Variants in TBC1D1 observed in about 807,000 individuals in gnomAD.
TBC1D1 encodes the protein TBC1 domain family member 1.
TBC1D1 carries 89 observed loss-of-function variants against 125.6 expected under a neutral mutation model. That is an observed-to-expected ratio of 0.71 (90% confidence interval 0.60 to 0.85). The LOEUF (loss-of-function observed/expected upper bound fraction) is 0.85, where lower values mean the gene tolerates loss of function less well. Among genes scored for constraint, TBC1D1 ranks in the 40% least tolerant of loss-of-function variants. The probability of loss-of-function intolerance (pLI) is 0.00; values close to 1 mark genes in which losing one functional copy is unlikely to be tolerated. For synonymous variants in TBC1D1, 565 were observed against 564.1 expected (o/e 1.00, Z -0.02); for missense variants, 1,377 against 1,469.2 (o/e 0.94, Z 1.03).
In TBC1D1 at chr4:38,062,012, G is replaced by A. The variant is rs547241501; in HGVS notation, c.2050+7674G>A. On this transcript the variant is annotated intron_variant, in intron 12 of 19. Transcript: ENST00000261439. ...TGACATCTGTGCACCAAAAGCACCT[G>A]GGGAGATTTTTTAAAACATGGGCCA... is the stretch of plus-strand genomic sequence containing the variant. 1.6e-4 allele frequency among the ~76,000 whole-genome samples: 25 copies of A among 152,284 alleles called. No homozygotes were observed. The East Asian group carries it at 4.4e-3, about 27-fold the overall frequency.
intron 2 of TBC1D1, among the ~76,000 whole-genome samples, chr4:37,922,590 G>T (rs927369111): frequency 6.6e-6 from 1 of 152,154 alleles, no homozygotes; most frequent in Non-Finnish European, 1.5e-5. Flanking sequence ...AGACTCCCTC[G>T]CTTTGTTCCC....
chr4:38,035,682 T>G lies in TBC1D1; in HGVS notation c.1397T>G (p.Ile466Ser), dbSNP rs200266191. Residue 466 changes from isoleucine to serine, a missense_variant, in exon 8 of 20, where the codon ATT becomes AGT. Transcript: ENST00000261439. Reference sequence around the variant, plus strand: ...GAGAAACAGAAAGAACACATCCATATTGGGGAGATGAAGCAGGTATGGCAT... The same window carrying G: ...GAGAAACAGAAAGAACACATCCATAGTGGGGAGATGAAGCAGGTATGGCAT... 7.4e-6 allele frequency: 12 copies of G among 1,611,916 alleles called. No homozygotes were observed.
At chr4:38,112,109 CAA>C (rs1762290495) in intron 15 of TBC1D1, 1 of 983,574 alleles carries the variant, frequency 1.0e-6, no homozygotes, top group Non-Finnish European at 1.2e-6. Flanking sequence ...TGGGTAATAA[CAA>C]GAGATTTGAA....
rs1425527453 is a variant in TBC1D1 at position 38,027,848 on chromosome 4, A to T, written c.1271A>T (p.Gln424Leu). Residue 424 changes from glutamine (Q) to leucine (L), a missense_variant, in exon 7 of 20, where the codon CAG (glutamine) becomes CTG (leucine). This residue lies in a region of TBC1D1 where 822 missense variants were observed against 824.6 expected (regional missense o/e 1.00). Coordinates refer to ENST00000261439, the MANE Select transcript of TBC1D1 (RefSeq NM_015173.4). ...AAGCACCTGACGACATTAACCAATC[A>T]GGAGCAGGCGACTATTTTTGAAGAG... 6.2e-7 allele frequency: 1 copy of T among 1,613,642 alleles called. No individual in the cohort carries two copies. The highest frequency in any genetic ancestry group is 1.7e-5 in the Admixed American group (1 of 59,944).
intron 12 of TBC1D1, among the ~76,000 whole-genome samples, chr4:38,079,814 A>G (rs1195817854): frequency 6.6e-6 from 1 of 152,248 alleles, no homozygotes; most frequent in African/African-American, 2.4e-5. Flanking sequence ...TCATTGCTTA[A>G]TTAATTTAAA....
At chr4:38,103,930 C>A (rs1760809708) in intron 15 of TBC1D1, among the ~76,000 whole-genome samples, 1 of 151,752 alleles carries the variant, frequency 6.6e-6, no homozygotes, top group Non-Finnish European at 1.5e-5. Flanking sequence ...GAGGCCAAGG[C>A]TGGTGGATCA....
chr4:37,995,458 A>G lies in TBC1D1; in HGVS notation c.418-19051A>G. ...AGGTTTCTTTCCCCGCCCCCTCACA[A>G]AGTATAGATCATTTGTTTTCCTTCC... On this transcript the variant is annotated intron_variant, in intron 2 of 19. Coordinates refer to ENST00000261439, the MANE Select transcript of TBC1D1 (RefSeq NM_015173.4). This position sits in a 1 kb window ranked among gnomAD's most constrained non-coding sequence, Gnocchi z 4.3. 4.9e-6 allele frequency: 1 copy of G among 204,176 alleles called. No homozygotes were observed. Among genetic ancestry groups the G allele is most frequent in the Admixed American group, 5.4e-5 (1 of 18,372 alleles). 12.6% of individuals were successfully genotyped at this position (204,176 alleles called of 1,614,324 possible).
intron 12 of TBC1D1, among the ~76,000 whole-genome samples, chr4:38,077,018 T>C (rs964358357): frequency 2.0e-5 from 3 of 152,200 alleles, no homozygotes; most frequent in Non-Finnish European, 4.4e-5. Flanking sequence ...GCTCCGTTTT[T>C]CAGACCTCAG....
In TBC1D1 at chr4:38,014,771, C is replaced by T; in HGVS notation, c.680C>T (p.Pro227Leu). 6.2e-7 allele frequency: 1 copy of T among 1,611,406 alleles called. No individual in the cohort carries two copies. The highest frequency in any genetic ancestry group is 8.5e-7 in the Non-Finnish European group (1 of 1,179,070). ...GCCGCGCCCACAGGGAGCCAGGAGC[C>T]TGTGCGCAGGCCCATGCGCAAGTCC... Residue 227 changes from proline (P) to leucine (L), a missense_variant, in exon 3 of 20, where the codon CCT becomes CTT. Pro to Leu is a moderately conservative substitution (Grantham distance 98). Transcript: ENST00000261439. The surrounding 1 kb of genome is among the most constrained non-coding windows in gnomAD (Gnocchi z 5.1).
Position 38,115,933 on chromosome 4 carries a change from G to T in TBC1D1, c.2781G>T (p.Arg927=), listed in dbSNP as rs1381692686. Reference sequence around the variant, plus strand: ...ACATGGGGCTGCGGAAACAGTATCGGCCAGACATGATTATTTTACAGGTAT... The same window carrying T: ...ACATGGGGCTGCGGAAACAGTATCGTCCAGACATGATTATTTTACAGGTAT... The change falls in exon 16 of 20, where the codon CGG becomes CGT. Residue 927 remains arginine, a synonymous_variant. Coordinates refer to ENST00000261439, the MANE Select transcript of TBC1D1 (RefSeq NM_015173.4). 1.2e-6 allele frequency: 2 copies of T among 1,614,032 alleles called. No homozygotes were observed. The highest frequency in any genetic ancestry group is 1.7e-6 in the Non-Finnish European group (2 of 1,180,034).
intron 12 of TBC1D1, among the ~76,000 whole-genome samples, chr4:38,082,093 A>C (rs1756666496): frequency 6.6e-6 from 1 of 152,218 alleles, no homozygotes; most frequent in South Asian, 2.1e-4. Context: ...TTTAAGCTTC[A>C]GTTTCCACAT....
chr4:38,110,475 G>A, intron 15 of TBC1D1: 1 of 985,426 alleles, frequency 1.0e-6, no homozygotes, highest in Non-Finnish European at 1.2e-6. Context: ...TCCGTTAGAT[G>A]AGCAAAATTT....
At chr4:38,076,786 T>A (rs1755668223) in intron 12 of TBC1D1, among the ~76,000 whole-genome samples, 1 of 152,022 alleles carries the variant, frequency 6.6e-6, no homozygotes, top group Non-Finnish European at 1.5e-5. Context: ...ACCAAAATAT[T>A]TTTTTCAGGA....
intron 2 of TBC1D1, among the ~76,000 whole-genome samples, chr4:37,938,229 A>G (rs1197642928): frequency 6.6e-6 from 1 of 152,136 alleles, no homozygotes; most frequent in Non-Finnish European, 1.5e-5. Flanking sequence ...AAAAAATTAT[A>G]TGTACGTACC....
chr4:38,067,225 T>C (rs370940810), intron 12 of TBC1D1, among the ~76,000 whole-genome samples: 1 of 152,258 alleles, frequency 6.6e-6, no homozygotes, highest in East Asian at 1.9e-4. Flanking sequence ...TATGGTCTTA[T>C]ATAATTCTGA....
At chr4:37,992,832 T>G (rs1466256532) in intron 2 of TBC1D1, among the ~76,000 whole-genome samples, 4 of 134,044 alleles carry the variant, frequency 3.0e-5, no homozygotes, top group Admixed American at 8.1e-5. Context: ...GGAGACAGAG[T>G]CTCACTCTGT....
intron 3 of TBC1D1, among the ~76,000 whole-genome samples, chr4:38,017,441 C>G (rs1265115976): frequency 6.6e-6 from 1 of 152,208 alleles, no homozygotes; most frequent in Non-Finnish European, 1.5e-5. Context: ...GGCTGAAATA[C>G]AGTTCAGAAA....
intron 2 of TBC1D1, among the ~76,000 whole-genome samples, chr4:38,003,437 G>A (rs1739453790): frequency 6.6e-6 from 1 of 152,168 alleles, no homozygotes; most frequent in African/African-American, 2.4e-5. Flanking sequence ...AGGGTGTTTG[G>A]AAATTTGGTC....
At chr4:38,090,167 G>A in intron 13 of TBC1D1, 50 bp downstream of exon 15, 1 of 1,576,262 alleles carries the variant, frequency 6.3e-7, no homozygotes, top group African/African-American at 1.4e-5. Flanking sequence ...TCTTGGCTCT[G>A]AAGTTAATCA....
Sources: allele counts gnomAD v4.1 joint callset (sites outside exome capture counted in the v4.1 genomes callset), GRCh38; gene constraint gnomAD v4.1.1; regional missense constraint gnomAD v4.1.1; non-coding constraint Gnocchi (gnomAD v3.1); transcripts MANE v1.5; gene names NCBI Gene and HGNC (gene_info 2026-07-23, HGNC 2026-07-21).